The following MTOR variants were observed in gnomAD, a reference collection of about 807,000 sequenced individuals.
MTOR encodes serine/threonine-protein kinase mTOR.
MTOR carries 70 observed loss-of-function variants against 319.8 expected under a neutral mutation model. That is an observed-to-expected ratio of 0.22 (90% CI 0.18 to 0.27). The LOEUF (loss-of-function observed/expected upper bound fraction) is 0.27. Among genes scored for constraint, MTOR ranks in the 10% least tolerant of loss-of-function variants. The pLI is 1.00. For missense variants in MTOR, 1,890 were observed against 3,274.4 expected (o/e 0.58, Z 10.32); for synonymous variants, 1,183 against 1,211.4 (o/e 0.98, Z 0.49).
intron 28 of MTOR, among the ~76,000 whole-genome samples, chr1:11,183,556 A>G (rs1464185466): frequency 6.6e-6 from 1 of 152,182 alleles, no homozygotes; most frequent in Non-Finnish European, 1.5e-5. Context: ...CTTGCCTTTC[A>G]TTCTCTTCAT....
intron 19 of MTOR, among the ~76,000 whole-genome samples, chr1:11,227,141 T>C (rs1387083626): frequency 2.0e-5 from 3 of 150,772 alleles, no homozygotes; most frequent in Non-Finnish European, 3.0e-5. Context: ...CTACTAAAAA[T>C]ACAAAAATTA....
chr1:11,182,921 G>A (rs1235907593), intron 28 of MTOR, among the ~76,000 whole-genome samples: 1 of 152,094 alleles, frequency 6.6e-6, no homozygotes, highest in East Asian at 1.9e-4. Context: ...GGTAGTACGC[G>A]GACACTCTTG....
At chr1:11,146,339 T>C (rs1221645753) in intron 32 of MTOR, among the ~76,000 whole-genome samples, 2 of 152,226 alleles carry the variant, frequency 1.3e-5, no homozygotes, top group African/African-American at 4.8e-5. Context: ...TGATTTCTGC[T>C]GCACAGTGAG....
chr1:11,210,474 T>A (rs1381048806), intron 24 of MTOR, among the ~76,000 whole-genome samples: 1 of 152,176 alleles, frequency 6.6e-6, no homozygotes, highest in African/African-American at 2.4e-5. Flanking sequence ...TAAGAAGGGT[T>A]TTTATACTTT....
chr1:11,218,202 C>T (rs1036937462), intron 19 of MTOR, among the ~76,000 whole-genome samples: 3 of 151,912 alleles, frequency 2.0e-5, no homozygotes, highest in Non-Finnish European at 2.9e-5. Flanking sequence ...GAGGCTGAGG[C>T]GGGCAGATCA....
intron 6 of MTOR, among the ~76,000 whole-genome samples, chr1:11,253,146 C>T (rs1373325579): frequency 6.6e-6 from 1 of 152,186 alleles, no homozygotes; most frequent in Non-Finnish European, 1.5e-5. Flanking sequence ...CTTGCTTACT[C>T]AGGGTCAGAT....
At chr1:11,189,815 T>C (rs1222751408) in intron 28 of MTOR, 5 of 1,614,190 alleles carry the variant, frequency 3.1e-6, no homozygotes, top group Non-Finnish European at 4.2e-6. Context: ...AGCGTGGTCA[T>C]GCAGGTGATG....
chr1:11,163,567 A>G (rs1465156945), intron 29 of MTOR, among the ~76,000 whole-genome samples: 1 of 152,238 alleles, frequency 6.6e-6, no homozygotes, highest in Non-Finnish European at 1.5e-5. Context: ...AAAGAACAGA[A>G]ATTATAACAA....
intron 8 of MTOR, among the ~76,000 whole-genome samples, 196 bp from the exon 9 acceptor site, chr1:11,243,496 G>A (rs1397856677): frequency 6.6e-6 from 1 of 151,990 alleles, no homozygotes; most frequent in Non-Finnish European, 1.5e-5. Flanking sequence ...GTTCGAAACA[G>A]CCTGGGCAAC....
intron 28 of MTOR, among the ~76,000 whole-genome samples, chr1:11,172,296 G>C (rs1480304114): frequency 6.6e-6 from 1 of 152,144 alleles, no homozygotes; most frequent in Admixed American, 6.5e-5. Flanking sequence ...GGTGGCTCAC[G>C]CCTGTAATCC....
intron 50 of MTOR, 74 bp downstream of exon 50, chr1:11,116,930 G>C: frequency 1.7e-6 from 2 of 1,166,336 alleles, no homozygotes; most frequent in Non-Finnish European, 2.5e-6. Context: ...TATTTAATTG[G>C]AAAACCAAAT....
intron 34 of MTOR, among the ~76,000 whole-genome samples, chr1:11,141,853 T>C (rs1643724346): frequency 1.3e-5 from 2 of 149,638 alleles, no homozygotes; most frequent in South Asian, 4.2e-4. Flanking sequence ...AAAAAAAAAT[T>C]AGCCAGGCGT....
intron 49 of MTOR, among the ~76,000 whole-genome samples, chr1:11,119,428 G>A (rs912374791): frequency 6.6e-6 from 1 of 151,786 alleles, no homozygotes; most frequent in African/African-American, 2.4e-5. Flanking sequence ...AAAATTAGCC[G>A]GGCATGGAGG....
intron 19 of MTOR, among the ~76,000 whole-genome samples, chr1:11,227,785 A>G (rs150700571): frequency 7.2e-4 from 109 of 152,322 alleles, no homozygotes; most frequent in Non-Finnish European, 6.3e-4. Flanking sequence ...TGTGATAATC[A>G]ACTCAAGTGA....
intron 26 of MTOR, among the ~76,000 whole-genome samples, chr1:11,203,411 A>T (rs541538022): frequency 6.8e-4 from 103 of 152,274 alleles, no homozygotes; most frequent in African/African-American, 1.6e-3. Flanking sequence ...CAAGTGGCTC[A>T]TGTCTGTAAT....
intron 13 of MTOR, 82 bp downstream of exon 13, chr1:11,237,761 C>T (rs1647407941): frequency 1.3e-6 from 2 of 1,482,860 alleles, no homozygotes; most frequent in Admixed American, 1.7e-5. Context: ...CCATCCTTGT[C>T]CTCAACTCCG....
chr1:11,111,634 G>A (rs1010278391), intron 54 of MTOR: 17 of 155,638 alleles, frequency 1.1e-4, no homozygotes, highest in Non-Finnish European at 9.9e-5. Flanking sequence ...GAAAGCACCC[G>A]CAGGCTCCAC....
intron 31 of MTOR, among the ~76,000 whole-genome samples, chr1:11,148,667 C>T (rs1038619539): frequency 3.3e-5 from 5 of 151,776 alleles, no homozygotes; most frequent in Admixed American, 6.6e-5. Context: ...TTTGGGAGGC[C>T]GAGGAGGATG....
intron 31 of MTOR, among the ~76,000 whole-genome samples, chr1:11,149,857 T>C (rs550537498): frequency 6.6e-6 from 1 of 152,328 alleles, no homozygotes; most frequent in South Asian, 2.1e-4. Context: ...TAAGTGTGTA[T>C]TTCTCACCCA....
Sources: allele counts gnomAD v4.1 joint callset (sites outside exome capture counted in the v4.1 genomes callset), GRCh38; gene constraint gnomAD v4.1.1; transcripts MANE v1.5; gene names NCBI Gene and HGNC (gene_info 2026-07-23, HGNC 2026-07-21).